The following GNAT3 variants were observed in gnomAD, a reference collection of about 807,000 sequenced individuals.
GNAT3 encodes guanine nucleotide-binding protein G(t) subunit alpha-3.
In GNAT3, 31 loss-of-function variants were observed where a neutral mutation model predicts 37.7. That is an observed-to-expected ratio of 0.82 (90% CI 0.62 to 1.11). GNAT3 has a LOEUF of 1.11. GNAT3 is among the 50% of genes most tolerant of loss of function. The probability of loss-of-function intolerance (pLI) is 0.00; values close to 1 mark genes in which losing one functional copy is unlikely to be tolerated. For missense variants in GNAT3, 437 were observed against 412.5 expected, an observed-to-expected ratio of 1.06 and a Z score of -0.51; for synonymous variants, 138 against 139.8, an observed-to-expected ratio of 0.99 and a Z score of 0.09.
chr7:80,481,168 TTCTA>T (rs1348740572), intron 3 of GNAT3, among the ~76,000 whole-genome samples: 1 of 152,184 alleles, frequency 6.6e-6, no homozygotes, highest in Non-Finnish European at 1.5e-5. Context: ...AAATAACTTA[TTCTA>T]TCTTTCTTCA....
chr7:80,497,643 C>CATATACGTATATGT (rs1790755295), intron 1 of GNAT3, among the ~76,000 whole-genome samples: 1 of 117,310 alleles, frequency 8.5e-6, no homozygotes, highest in East Asian at 2.4e-4. Flanking sequence ...TACGTATATA[C>CATATACGTATATGT]ATATACGTAT....
chr7:80,486,747 T>C (rs547040273), intron 3 of GNAT3, among the ~76,000 whole-genome samples: 9 of 151,320 alleles, frequency 5.9e-5, no homozygotes, highest in African/African-American at 2.2e-4. Context: ...GATGTTGAGA[T>C]TATAGGCATG....
At chr7:80,468,405 C>G (rs1790158334) in intron 5 of GNAT3, among the ~76,000 whole-genome samples, 1 of 152,020 alleles carries the variant, frequency 6.6e-6, no homozygotes, top group South Asian at 2.1e-4. Context: ...TTTGCTTATC[C>G]TATAAGCATG....
chr7:80,461,844 C>T (rs539265430), intron 7 of GNAT3, among the ~76,000 whole-genome samples: 4 of 152,266 alleles, frequency 2.6e-5, no homozygotes, highest in East Asian at 3.9e-4. Flanking sequence ...ATGCCAATTT[C>T]GAATAAGATT....
At chr7:80,485,292 T>C (rs1298662378) in intron 3 of GNAT3, among the ~76,000 whole-genome samples, 3 of 152,048 alleles carry the variant, frequency 2.0e-5, no homozygotes, top group Non-Finnish European at 2.9e-5. Flanking sequence ...TGCCATAGTA[T>C]AATGGCATGC....
intron 1 of GNAT3, among the ~76,000 whole-genome samples, chr7:80,497,550 ACG>A (rs1790740065): frequency 3.5e-5 from 5 of 141,416 alleles, no homozygotes; most frequent in African/African-American, 5.2e-5. Flanking sequence ...ATACACATAT[ACG>A]TATATACATA....
Position 80,458,965 on chromosome 7 carries a change from A to C in GNAT3, c.875-104T>G, listed in dbSNP as rs1790001653. ...TTTAGGATTTTACTTTGATATACAA[A>C]GTATTGCAAAATCATAAAGGCAACG... On this transcript the variant is annotated intron_variant, in intron 7 of 7. Transcript: ENST00000398291. 5.3e-6 allele frequency: 4 copies of C among 757,576 alleles called. No individual in the cohort carries two copies. In the South Asian group the frequency reaches 7.8e-5, roughly 15 times the overall value. 46.9% of individuals were successfully genotyped at this position (757,576 alleles called of 1,614,324 possible). A position where few individuals can be genotyped will look rare whatever the true frequency, so the allele number is the denominator to read the frequency against.
intron 3 of GNAT3, among the ~76,000 whole-genome samples, chr7:80,480,804 T>C (rs1397857083): frequency 1.3e-5 from 2 of 152,118 alleles, no homozygotes; most frequent in African/African-American, 4.8e-5. Flanking sequence ...GGCCAGCTTC[T>C]TACTGCAGCC....
rs1791076737 is a variant in GNAT3, at chr7:80,512,014, A to G, written c.-88T>C. On this transcript the variant is annotated 5_prime_UTR_variant, in exon 1 of 8. Transcript: ENST00000398291. ...TGGTTTGGACATAGGAGGCAAGAGTAATGCTCTGCTGAAGTACCTAGCAGT... is the reference window on the plus strand; with the variant it reads ...TGGTTTGGACATAGGAGGCAAGAGTGATGCTCTGCTGAAGTACCTAGCAGT... 4 of 843,250 alleles carry G rather than the reference A, an allele frequency of 4.7e-6. No individual in the cohort carries two copies. Among genetic ancestry groups the G allele is most frequent in the Non-Finnish European group, 7.8e-6 (4 of 513,634 alleles). 52.2% of individuals were successfully genotyped at this position (843,250 alleles called of 1,614,324 possible).
In GNAT3 at chr7:80,511,859, A is replaced by C; in HGVS notation, c.68T>G (p.Leu23Arg). ...AKRSKELEKK[L>R]QEDAERDART... ...TGCATCTCGCTCAGCATCCTCCTGA[A>C]GCTTTTTCTCCAGTTCTTTTGATCT... The change falls in exon 1 of 8, where the codon CTT (leucine) becomes CGT (arginine). Residue 23 changes from leucine (L) to arginine (R), a missense_variant. Transcript: ENST00000398291. 6.2e-7 allele frequency: 1 copy of C among 1,612,460 alleles called. No homozygotes were observed. The highest frequency in any genetic ancestry group is 1.1e-5 in the South Asian group (1 of 90,870).
Position 80,458,698 on chromosome 7 carries a change from C to G in GNAT3, c.1038G>C (p.Glu346Asp), listed in dbSNP as rs192064811. 8 of 1,581,118 alleles carry G rather than the reference C, an allele frequency of 5.1e-6. No individual in the cohort carries two copies. The Admixed American group carries it at 9.2e-5, about 18-fold the overall frequency. ...AGAAAAGCCCACAGTCTTTTAGATT[C>G]TCTTTGATTATTATATCTGTAACTG... The part of the protein sequence containing the change: ...FDAVTDIIIK[E>D]NLKDCGLF The change falls in exon 8 of 8, where the codon GAG (glutamate) becomes GAC (aspartate). Residue 346 changes from glutamate to aspartate, a missense_variant. Transcript: ENST00000398291.
chr7:80,478,117 C>G (rs1237576024), intron 4 of GNAT3, among the ~76,000 whole-genome samples: 1 of 152,174 alleles, frequency 6.6e-6, no homozygotes, highest in Non-Finnish European at 1.5e-5. Flanking sequence ...TGCCATGTAA[C>G]CCAGGCTGGT....
chr7:80,474,933 G>C (rs988403790), intron 4 of GNAT3, among the ~76,000 whole-genome samples: 1 of 152,058 alleles, frequency 6.6e-6, no homozygotes, highest in Non-Finnish European at 1.5e-5. Flanking sequence ...TGTTATTTTT[G>C]CATGAATTTG....
At chr7:80,509,945 T>A (rs1045622418) in intron 1 of GNAT3, among the ~76,000 whole-genome samples, 12 of 152,168 alleles carry the variant, frequency 7.9e-5, no homozygotes, top group African/African-American at 2.9e-4. Context: ...AATTAACAAA[T>A]GTATTACTTC....
intron 1 of GNAT3, among the ~76,000 whole-genome samples, chr7:80,498,668 T>C (rs943822103): frequency 2.0e-5 from 3 of 152,160 alleles, no homozygotes; most frequent in African/African-American, 7.2e-5. Context: ...ATATAGACAT[T>C]ATAACAGCAT....
chr7:80,464,070 C>T (rs185261884), intron 5 of GNAT3, among the ~76,000 whole-genome samples: 6 of 151,654 alleles, frequency 4.0e-5, no homozygotes, highest in Non-Finnish European at 7.4e-5. Flanking sequence ...CCTTAAGAAG[C>T]TTTTAAACTG....
intron 2 of GNAT3, 36 bp downstream of exon 2, chr7:80,494,569 T>G: frequency 8.8e-7 from 1 of 1,141,240 alleles, no homozygotes. Context: ...TGGACAGACA[T>G]CAAATATTAA....
At chr7:80,468,113 G>A (rs887243996) in intron 5 of GNAT3, among the ~76,000 whole-genome samples, 5 of 151,992 alleles carry the variant, frequency 3.3e-5, no homozygotes, top group African/African-American at 1.2e-4. Flanking sequence ...AATTGACCAA[G>A]GCATTAATAC....
chr7:80,504,213 T>A (rs1359536266), intron 1 of GNAT3, among the ~76,000 whole-genome samples: 1 of 151,984 alleles, frequency 6.6e-6, no homozygotes, highest in Non-Finnish European at 1.5e-5. Flanking sequence ...CTACTGTGGA[T>A]GCTGAGGTGG....
Sources: allele counts gnomAD v4.1 joint callset (sites outside exome capture counted in the v4.1 genomes callset), GRCh38; gene constraint gnomAD v4.1.1; transcripts MANE v1.5; gene names NCBI Gene and HGNC (gene_info 2026-07-23, HGNC 2026-07-21).